FBRSL1: variants seen among roughly 807,000 people sequenced by gnomAD.
FBRSL1 encodes fibrosin like 1.
Under a neutral mutation model 89.6 loss-of-function variants are expected in FBRSL1, and 51 were observed. The observed-to-expected ratio is 0.57, with a 90% CI of 0.45 to 0.72. The LOEUF (loss-of-function observed/expected upper bound fraction) is 0.72, where lower values mean the gene tolerates loss of function less well. FBRSL1 is among the 30% of genes least tolerant of loss of function. The pLI is 0.00. For synonymous variants in FBRSL1, 779 were observed against 681.1 expected (o/e 1.14, Z -2.24); for missense variants, 1,618 against 1,451.8 (o/e 1.11, Z -1.86).
chr12:132,557,489 G>A (rs1020144361), intron 5 of FBRSL1, among the ~76,000 whole-genome samples: 6 of 148,834 alleles, frequency 4.0e-5, no homozygotes, highest in Non-Finnish European at 9.0e-5. Flanking sequence ...GCTGTGGGGC[G>A]GGGCTCGGGG....
At chr12:132,545,090 C>T (rs2037576445) in intron 4 of FBRSL1, among the ~76,000 whole-genome samples, 1 of 151,726 alleles carries the variant, frequency 6.6e-6, no homozygotes, top group Non-Finnish European at 1.5e-5. Context: ...GCACGGAGCT[C>T]AGGGCCTCGC....
At chr12:132,513,690 A>C (rs974809102) in intron 2 of FBRSL1, among the ~76,000 whole-genome samples, 5 of 152,168 alleles carry the variant, frequency 3.3e-5, no homozygotes, top group Non-Finnish European at 5.9e-5. Context: ...CCCACGGCAG[A>C]CGAGGGCAGT....
intron 1 of FBRSL1, among the ~76,000 whole-genome samples, chr12:132,505,450 G>A (rs1244531768): frequency 1.3e-5 from 2 of 152,140 alleles, no homozygotes; most frequent in African/African-American, 4.8e-5. Flanking sequence ...CGTCTGGCCT[G>A]GACTCCTGTC....
chr12:132,546,492 G>C lies in FBRSL1; in HGVS notation c.616-1511G>C, dbSNP rs949178222. Among the ~76,000 whole-genome samples the C allele has an allele frequency of 1.2e-4, 19 of 152,040 alleles. No homozygotes were observed. Among genetic ancestry groups the C allele is most frequent in the African/African-American group, 4.6e-4 (19 of 41,406 alleles). On this transcript the variant is annotated intron_variant, in intron 4 of 18. Transcript: ENST00000680143. This position sits in a 1 kb window ranked among gnomAD's most constrained non-coding sequence, Gnocchi z 4.0. Reference sequence around the variant, plus strand: ...GAACCCTAGGAGAGGGCTTGGCCACGGCTGAAAGGCCAGACCGGGGGGACC... The same window carrying C: ...GAACCCTAGGAGAGGGCTTGGCCACCGCTGAAAGGCCAGACCGGGGGGACC...
rs191744991 is a variant in FBRSL1, at chr12:132,521,354, G to A, written c.490-4380G>A. Among the ~76,000 whole-genome samples the A allele has an allele frequency of 1.4e-4, 21 of 152,316 alleles. No homozygotes were observed. In the East Asian group the frequency reaches 3.1e-3, roughly 22 times the overall value. On this transcript the variant is annotated intron_variant, in intron 2 of 18. Coordinates refer to ENST00000680143, the MANE Select transcript of FBRSL1 (RefSeq NM_001367871.1). Reference sequence around the variant, plus strand: ...ACCTGTGCTCCATTTCTGCAGGGGCGTCGCGTTCCCGTCTCCTGCTGGAAC... The same window carrying A: ...ACCTGTGCTCCATTTCTGCAGGGGCATCGCGTTCCCGTCTCCTGCTGGAAC...
At chr12:132,491,322 C>T (rs1185128494) in intron 1 of FBRSL1, among the ~76,000 whole-genome samples, 1 of 152,212 alleles carries the variant, frequency 6.6e-6, no homozygotes, top group African/African-American at 2.4e-5. Context: ...GAGGGTTAAT[C>T]TCAAGACCCC....
rs2040897985 is a variant in FBRSL1 at position 132,583,091 on chromosome 12, G to A, written c.2322G>A (p.Ala774=). The A allele has an allele frequency of 1.4e-6, 2 of 1,448,544 alleles. No individual in the cohort carries two copies. Among genetic ancestry groups the A allele is most frequent in the Admixed American group, 2.5e-5 (1 of 39,250 alleles). The allele number at this position is 1,448,544 out of a possible 1,614,324, so 89.7% of individuals were successfully genotyped here. A position where few individuals can be genotyped will look rare whatever the true frequency, so the allele number is the denominator to read the frequency against. Reference sequence around the variant, plus strand: ...AGCTGGGCCGGTCCGGGGCCCCCGCGGAGCGCGAGGCCGAACCTCGGGTCA... The same window carrying A: ...AGCTGGGCCGGTCCGGGGCCCCCGCAGAGCGCGAGGCCGAACCTCGGGTCA... ...QSELGRSGAP[A]EREAEPRVKE... is the part of the protein sequence containing the mutation. The change falls in exon 19 of 19, where the codon GCG becomes GCA. Residue 774 remains alanine, a synonymous_variant. Coordinates refer to ENST00000680143, the MANE Select transcript of FBRSL1 (RefSeq NM_001367871.1).
intron 2 of FBRSL1, among the ~76,000 whole-genome samples, chr12:132,520,876 A>C (rs2035294423): frequency 6.6e-6 from 1 of 152,234 alleles, no homozygotes; most frequent in Non-Finnish European, 1.5e-5. Context: ...ACCTGCTCTC[A>C]GGATTCGGGG....
intron 9 of FBRSL1, chr12:132,571,519 C>G: frequency 6.5e-7 from 1 of 1,534,272 alleles, no homozygotes; most frequent in Non-Finnish European, 8.8e-7. Flanking sequence ...CGCCGCACCC[C>G]CGCCGGTGCG....
chr12:132,506,489 G>A (rs1198860298), intron 1 of FBRSL1, among the ~76,000 whole-genome samples: 1 of 152,206 alleles, frequency 6.6e-6, no homozygotes. Flanking sequence ...CCAGTAGAAA[G>A]ACAAATCCCA....
At chr12:132,525,688 C>T (rs1434636938) in intron 2 of FBRSL1, 46 bp from the exon 3 acceptor site, 9 of 1,482,602 alleles carry the variant, frequency 6.1e-6, no homozygotes, top group African/African-American at 1.4e-5. Context: ...GATGCGGACG[C>T]GGTGAGGTGG....
At chr12:132,573,396 A>G (rs1340106006) in intron 11 of FBRSL1, among the ~76,000 whole-genome samples, 1 of 152,202 alleles carries the variant, frequency 6.6e-6, no homozygotes, top group African/African-American at 2.4e-5. Flanking sequence ...AGGACCAGGC[A>G]CCCCTGGGCA....
chr12:132,545,598 G>A lies in FBRSL1; in HGVS notation c.616-2405G>A, dbSNP rs549600826. ...CCTGGCTGGGTCCAGCCACAGACCT[G>A]AAACCCACGGGGAGATCCGTAACCA... On this transcript the variant is annotated intron_variant, in intron 4 of 18. Coordinates refer to ENST00000680143, the MANE Select transcript of FBRSL1 (RefSeq NM_001367871.1). Among the ~76,000 whole-genome samples the A allele has an allele frequency of 5.3e-5, 8 of 152,324 alleles. No homozygotes were observed. In the South Asian group the frequency reaches 1.7e-3, roughly 32 times the overall value.
At chr12:132,518,943 A>G (rs568772281) in intron 2 of FBRSL1, among the ~76,000 whole-genome samples, 4 of 150,986 alleles carry the variant, frequency 2.6e-5, no homozygotes, top group Non-Finnish European at 4.4e-5. Context: ...CTGTCCATCT[A>G]TCCACCCATG....
At chr12:132,572,905 T>C (rs567251530) in intron 11 of FBRSL1, among the ~76,000 whole-genome samples, 5 of 152,262 alleles carry the variant, frequency 3.3e-5, no homozygotes, top group Admixed American at 2.6e-4. Context: ...AGGAGAACAT[T>C]CCAGTCCTTG....
chr12:132,546,547 G>T lies in FBRSL1; in HGVS notation c.616-1456G>T, dbSNP rs1006792349. ...GAGAGGGCTTGGCCACGGCTGAAAG[G>T]CCAGACCGGGGGGACCCTAGGAGAG... is the stretch of plus-strand genomic sequence containing the variant. On this transcript the variant is annotated intron_variant, in intron 4 of 18. Coordinates refer to ENST00000680143, the MANE Select transcript of FBRSL1 (RefSeq NM_001367871.1). This position sits in a 1 kb window ranked among gnomAD's most constrained non-coding sequence, Gnocchi z 4.0. Among the ~76,000 whole-genome samples, 3 of 151,954 alleles carry T rather than the reference G, an allele frequency of 2.0e-5. No individual in the cohort carries two copies. The highest frequency in any genetic ancestry group is 7.2e-5 in the African/African-American group (3 of 41,384).
In FBRSL1 at chr12:132,572,627, C is replaced by G; in HGVS notation, c.1530+5C>G. 6.5e-7 allele frequency: 1 copy of G among 1,546,662 alleles called. No homozygotes were observed. Among genetic ancestry groups the G allele is most frequent in the Non-Finnish European group, 8.7e-7 (1 of 1,144,050 alleles). ...CAGGGCGCTTTTCAGCCTAAGGTAC[C>G]GCTGCCCCTGGCAGGTGGGGCGGGC... is the stretch of plus-strand genomic sequence containing the variant. On this transcript the variant is annotated splice_donor_5th_base_variant and intron_variant, in intron 11 of 18. Coordinates refer to ENST00000680143, the MANE Select transcript of FBRSL1 (RefSeq NM_001367871.1).
chr12:132,567,732 G>T (rs2039725616), intron 6 of FBRSL1, among the ~76,000 whole-genome samples: 1 of 152,140 alleles, frequency 6.6e-6, no homozygotes, highest in Admixed American at 6.5e-5. Context: ...CCCTAGGCAG[G>T]GCCTGGGCTC....
intron 14 of FBRSL1, 28 bp from the exon 15 acceptor site, chr12:132,576,771 G>C (rs1360677008): frequency 6.5e-7 from 1 of 1,543,522 alleles, no homozygotes; most frequent in African/African-American, 1.4e-5. Flanking sequence ...CCCCGGGCAG[G>C]CGGCCCTCAC....
Sources: allele counts gnomAD v4.1 joint callset (sites outside exome capture counted in the v4.1 genomes callset), GRCh38; gene constraint gnomAD v4.1.1; non-coding constraint Gnocchi (gnomAD v3.1); transcripts MANE v1.5; gene names NCBI Gene and HGNC (gene_info 2026-07-23, HGNC 2026-07-21).